Variants in ARMH3 observed in about 807,000 individuals in gnomAD.
ARMH3 encodes armadillo-like helical domain-containing protein 3.
In ARMH3, 60 loss-of-function variants were observed where a neutral mutation model predicts 99.1. The ratio of observed to expected loss-of-function variants is 0.61; its 90% CI spans 0.49 to 0.75. The LOEUF (loss-of-function observed/expected upper bound fraction) is 0.75. ARMH3 is among the 30% of genes least tolerant of loss of function. The pLI, the probability that ARMH3 is intolerant of heterozygous loss-of-function variation, is 0.00. For synonymous variants in ARMH3, 285 were observed against 292.8 expected, an observed-to-expected ratio of 0.97 and a Z score of 0.27; for missense variants, 679 against 843.1, an observed-to-expected ratio of 0.81 and a Z score of 2.41.
chr10:102,041,089 T>TG (rs2067402453), intron 1 of ARMH3, among the ~76,000 whole-genome samples: 2 of 114,976 alleles, frequency 1.7e-5, no homozygotes, highest in Non-Finnish European at 3.9e-5. Context: ...TATATATATA[T>TG]AATATATATA....
At chr10:101,927,412 T>C (rs1843552464) in intron 23 of ARMH3, among the ~76,000 whole-genome samples, 1 of 152,166 alleles carries the variant, frequency 6.6e-6, no homozygotes, top group African/African-American at 2.4e-5. Context: ...AGAGCTATAA[T>C]ATTCTGCAGC....
At chr10:101,910,251 C>T (rs1336158252) in intron 23 of ARMH3, among the ~76,000 whole-genome samples, 1 of 152,212 alleles carries the variant, frequency 6.6e-6, no homozygotes, top group Non-Finnish European at 1.5e-5. Context: ...GATTTACAAC[C>T]AAGGGGAACA....
At chr10:102,010,885 C>T (rs2066615988) in intron 11 of ARMH3, among the ~76,000 whole-genome samples, 1 of 152,154 alleles carries the variant, frequency 6.6e-6, no homozygotes, top group African/African-American at 2.4e-5. Flanking sequence ...CAGGCCCCTT[C>T]CTGAGAACAG....
intron 15 of ARMH3, among the ~76,000 whole-genome samples, chr10:101,999,133 G>T (rs1013025210): frequency 6.6e-6 from 1 of 151,944 alleles, no homozygotes; most frequent in African/African-American, 2.4e-5. Context: ...GTTAACTATT[G>T]CTAGAATGTT....
chr10:101,847,618 A>C lies in ARMH3; in HGVS notation c.1980T>G (p.Val660=), dbSNP rs529194234. 6.2e-7 allele frequency: 1 copy of C among 1,614,126 alleles called. No homozygotes were observed. The highest frequency in any genetic ancestry group is 1.1e-5 in the South Asian group (1 of 91,090). The change falls in exon 26 of 26, where the codon GTT becomes GTG. Residue 660 remains valine (V), a splice_region_variant and synonymous_variant. Coordinates refer to ENST00000370033, the MANE Select transcript of ARMH3 (RefSeq NM_024541.3). The part of the protein sequence containing the change: ...HKEAAFFKEL[V]RSISTNVRRN... The stretch of plus-strand genomic sequence containing the variant: ...TCCGGACGTTGGTGCTAATGGATCG[A>C]ACCTGGGAAAGGGTAGTTGGGGAAG...
intron 8 of ARMH3, among the ~76,000 whole-genome samples, chr10:102,020,099 C>T (rs1021280284): frequency 2.6e-5 from 4 of 151,268 alleles, no homozygotes; most frequent in South Asian, 2.1e-4. Context: ...GTGTTTCAAG[C>T]TAAATGTTAT....
chr10:101,911,465 A>C (rs1223494157), intron 23 of ARMH3, among the ~76,000 whole-genome samples: 1 of 152,216 alleles, frequency 6.6e-6, no homozygotes, highest in Non-Finnish European at 1.5e-5. Context: ...GGCTGGACGC[A>C]GAGGCTTGTA....
At chr10:101,957,578 C>T in intron 21 of ARMH3, 72 bp downstream of exon 21, 1 of 1,498,828 alleles carries the variant, frequency 6.7e-7, no homozygotes, top group Non-Finnish European at 9.0e-7. Context: ...ACCACCAGCT[C>T]CTGTTTCAAA....
intron 22 of ARMH3, among the ~76,000 whole-genome samples, chr10:101,947,708 G>A (rs1213984165): frequency 3.3e-5 from 5 of 151,976 alleles, no homozygotes; most frequent in Admixed American, 6.6e-5. Context: ...GCTGAGGCAG[G>A]AGAATCGCTT....
intron 25 of ARMH3, among the ~76,000 whole-genome samples, chr10:101,847,979 G>C (rs2066501177): frequency 3.3e-5 from 5 of 152,208 alleles, no homozygotes; most frequent in Admixed American, 3.3e-4. Flanking sequence ...GATGGAGGAG[G>C]AGAAACTGAG....
At chr10:101,876,776 A>T (rs1188914413) in intron 24 of ARMH3, among the ~76,000 whole-genome samples, 1 of 152,180 alleles carries the variant, frequency 6.6e-6, no homozygotes, top group Admixed American at 6.5e-5. Flanking sequence ...CTTCCCCAAG[A>T]TCTACTGGAA....
chr10:101,931,500 G>A (rs923346580), intron 23 of ARMH3, among the ~76,000 whole-genome samples: 1 of 151,806 alleles, frequency 6.6e-6, no homozygotes, highest in Non-Finnish European at 1.5e-5. Context: ...ACTCCAGCCT[G>A]GGCAACAAGA....
chr10:101,929,214 T>A (rs992660098), intron 23 of ARMH3, among the ~76,000 whole-genome samples: 2 of 152,234 alleles, frequency 1.3e-5, no homozygotes, highest in African/African-American at 4.8e-5. Context: ...TTTGTACTTG[T>A]ACTTTGTTAT....
intron 13 of ARMH3, among the ~76,000 whole-genome samples, chr10:102,007,908 G>A (rs2066541876): frequency 6.8e-6 from 1 of 146,818 alleles, no homozygotes; most frequent in Non-Finnish European, 1.5e-5. Context: ...AAACAAAAGT[G>A]TGTGTGCCTT....
intron 14 of ARMH3, 88 bp downstream of exon 14, chr10:102,006,452 C>A (rs546674218): frequency 3.8e-5 from 54 of 1,422,170 alleles, no homozygotes; most frequent in Admixed American, 1.2e-4. Context: ...TTAACAACTA[C>A]GTAGGTTCTT....
chr10:101,926,572 C>T (rs1296716914), intron 23 of ARMH3, among the ~76,000 whole-genome samples: 1 of 152,078 alleles, frequency 6.6e-6, no homozygotes, highest in Non-Finnish European at 1.5e-5. Flanking sequence ...AAAAACTGCA[C>T]ATGGTTTTAA....
intron 23 of ARMH3, among the ~76,000 whole-genome samples, chr10:101,934,553 C>A (rs1379231099): frequency 6.6e-6 from 1 of 152,204 alleles, no homozygotes; most frequent in Middle Eastern, 3.4e-3. Flanking sequence ...AATACATTAA[C>A]CATAGTTAAA....
intron 23 of ARMH3, among the ~76,000 whole-genome samples, chr10:101,901,527 G>A (rs775804616): frequency 7.2e-5 from 11 of 151,886 alleles, no homozygotes; most frequent in Non-Finnish European, 1.3e-4. Flanking sequence ...GGCGTTACTC[G>A]GCCCTAGCTG....
At chr10:101,878,986 C>T (rs1315660490) in intron 24 of ARMH3, among the ~76,000 whole-genome samples, 5 of 152,212 alleles carry the variant, frequency 3.3e-5, no homozygotes, top group African/African-American at 9.7e-5. Flanking sequence ...TCCACTTACA[C>T]ATTTCTGCCT....
Sources: gnomAD v4.1 joint callset for allele counts (sites outside exome capture counted in the v4.1 genomes callset) on GRCh38, gnomAD v4.1.1 for gene constraint, MANE v1.5 for transcripts, NCBI Gene and HGNC (gene_info 2026-07-23, HGNC 2026-07-21) for gene names.